CCR3: variants seen among roughly 807,000 people sequenced by gnomAD.
The protein encoded by CCR3 is C-C chemokine receptor type 3.
For synonymous variants in CCR3, 203 were observed against 179.2 expected, an observed-to-expected ratio of 1.13 and a Z score of -1.06; for missense variants, 419 against 437.5, an observed-to-expected ratio of 0.96 and a Z score of 0.38.
At position 46,248,560 on chromosome 3, in the gene CCR3, C is replaced by T. The variant is rs1403336359; in HGVS notation, c.-12+6022C>T. Reference sequence around the variant, plus strand: ...AGGGATTGAGGTTTGGGAGATTAATCGGACAGGATCAGCAGGGAGAGCACG... The same window carrying T: ...AGGGATTGAGGTTTGGGAGATTAATTGGACAGGATCAGCAGGGAGAGCACG... On this transcript the variant is annotated intron_variant, in intron 1 of 1. Coordinates refer to ENST00000395940, the MANE Select transcript of CCR3 (RefSeq NM_178329.3). 3.9e-5 allele frequency among the ~76,000 whole-genome samples: 6 copies of T among 152,150 alleles called. 1 individual carries two copies. In the South Asian group the frequency reaches 1.0e-3, roughly 26 times the overall value.
intron 2 of CCR3, among the ~76,000 whole-genome samples, chr3:46,231,661 AC>A (rs2125925224): frequency 6.6e-6 from 1 of 152,240 alleles, no homozygotes; most frequent in African/African-American, 2.4e-5. Context: ...ACAGGAGGAA[AC>A]TTTTGAAGTG....
At chr3:46,233,291 C>T (rs147879187) in intron 2 of CCR3, among the ~76,000 whole-genome samples, 36 of 152,302 alleles carry the variant, frequency 2.4e-4, no homozygotes, top group Non-Finnish European at 4.4e-4. Context: ...ACAAGTCTGG[C>T]TGGAGCCCCA....
At chr3:46,257,023 A>G (rs1376946143) in intron 1 of CCR3, among the ~76,000 whole-genome samples, 2 of 60,974 alleles carry the variant, frequency 3.3e-5, no homozygotes, top group South Asian at 2.6e-3. Flanking sequence ...CAAATTTGCA[A>G]AAAAAAATTG....
At chr3:46,225,479 A>G (rs1559526014) in intron 2 of CCR3, among the ~76,000 whole-genome samples, 1 of 152,226 alleles carries the variant, frequency 6.6e-6, no homozygotes, top group Non-Finnish European at 1.5e-5. Context: ...TTAGTTTTGT[A>G]AGAAAGTGCC....
chr3:46,264,446 G>A (rs1700580902), intron 1 of CCR3: 1 of 1,523,990 alleles, frequency 6.6e-7, no homozygotes, highest in Non-Finnish European at 8.8e-7. Context: ...ACACAAGCCA[G>A]GTTCCTCAAG....
chr3:46,223,332 T>C (rs1273079088), intron 2 of CCR3, among the ~76,000 whole-genome samples: 2 of 151,790 alleles, frequency 1.3e-5, no homozygotes, highest in African/African-American at 4.8e-5. Context: ...AGAGCAAGAC[T>C]CTGTCTTGAA....
upstream of CCR3, among the ~76,000 whole-genome samples, chr3:46,237,623 G>C (rs1700038059): frequency 6.6e-6 from 1 of 152,070 alleles, no homozygotes; most frequent in Admixed American, 6.6e-5. Context: ...GAAAGATAGG[G>C]GTCCAGTTTC....
In CCR3 at chr3:46,265,625, T is replaced by A; in HGVS notation, c.467T>A (p.Val156Asp). 1 of 1,614,190 alleles carries A rather than the reference T, an allele frequency of 6.2e-7. No individual in the cohort carries two copies. Among genetic ancestry groups the A allele is most frequent in the Non-Finnish European group, 8.5e-7 (1 of 1,180,016 alleles). ...ACTTTTGGTGTCATCACCAGCATCGTCACCTGGGGCCTGGCAGTGCTAGCA... is the reference window on the plus strand; with the variant it reads ...ACTTTTGGTGTCATCACCAGCATCGACACCTGGGGCCTGGCAGTGCTAGCA... ...TVTFGVITSI[V>D]TWGLAVLAAL... The change falls in exon 2 of 2, where the codon GTC (valine) becomes GAC (aspartate). Residue 156 changes from valine (V) to aspartate (D), a missense_variant. Val to Asp is a radical substitution (Grantham distance 152). Coordinates refer to ENST00000395940, the MANE Select transcript of CCR3 (RefSeq NM_178329.3).
chr3:46,258,809 G>A (rs1269509875), intron 1 of CCR3, among the ~76,000 whole-genome samples: 3 of 152,072 alleles, frequency 2.0e-5, no homozygotes, highest in Non-Finnish European at 4.4e-5. Context: ...TGACTAATAG[G>A]AGGATAATAC....
chr3:46,253,434 T>C (rs1700357299), intron 1 of CCR3, among the ~76,000 whole-genome samples: 1 of 152,184 alleles, frequency 6.6e-6, no homozygotes, highest in South Asian at 2.1e-4. Flanking sequence ...TTCTCCAGGA[T>C]GGATACGCTT....
chr3:46,253,021 C>G (rs1306699169), intron 1 of CCR3, among the ~76,000 whole-genome samples: 1 of 152,108 alleles, frequency 6.6e-6, no homozygotes, highest in Non-Finnish European at 1.5e-5. Context: ...CATTAAGAAC[C>G]ACTGAGAGCC....
rs115093437 is a variant in CCR3 at position 46,229,095 on chromosome 3, G to A, written c.-67-13307G>A. Among the ~76,000 whole-genome samples the A allele has an allele frequency of 9.3e-3, 1,409 of 152,256 alleles. 19 individuals are homozygous for A. The highest frequency in any genetic ancestry group is 0.032 in the African/African-American group (1,340 of 41,546). On this transcript the variant is annotated intron_variant, in intron 2 of 3. Coordinates refer to the CCR3 transcript ENST00000357422. ...TATTTCCAGTCTCTCTTGCATGTGC[G>A]TGTGGTCATATCACTGAGTTGCAGC...
chr3:46,225,025 C>A (rs1037374386), intron 2 of CCR3, among the ~76,000 whole-genome samples: 1 of 152,162 alleles, frequency 6.6e-6, no homozygotes, highest in African/African-American at 2.4e-5. Flanking sequence ...TAGTCTCAAA[C>A]TGATAGTCCA....
At chr3:46,262,057 C>T (rs1700535941) in intron 1 of CCR3, among the ~76,000 whole-genome samples, 1 of 152,248 alleles carries the variant, frequency 6.6e-6, no homozygotes, top group African/African-American at 2.4e-5. Context: ...CCCCTTCCCA[C>T]TCTGCCCCAT....
intron 2 of CCR3, among the ~76,000 whole-genome samples, chr3:46,228,948 A>G (rs1003250161): frequency 1.3e-5 from 2 of 152,266 alleles, no homozygotes. Context: ...CTATTATCAA[A>G]AATGATAATG....
intron 2 of CCR3, among the ~76,000 whole-genome samples, chr3:46,234,131 T>G (rs1699997868): frequency 6.6e-6 from 1 of 152,208 alleles, no homozygotes; most frequent in African/African-American, 2.4e-5. Context: ...ATGTTAACAC[T>G]TGTCATTTGA....
upstream of CCR3, among the ~76,000 whole-genome samples, chr3:46,241,197 C>T (rs1170176848): frequency 2.6e-5 from 4 of 151,320 alleles, no homozygotes; most frequent in Admixed American, 2.0e-4. Flanking sequence ...CTCTTATCCT[C>T]CTTCCTCTTT....
At chr3:46,248,896 G>A (rs963730064) in intron 1 of CCR3, among the ~76,000 whole-genome samples, 1 of 152,208 alleles carries the variant, frequency 6.6e-6, no homozygotes, top group Non-Finnish European at 1.5e-5. Flanking sequence ...TGGTTGATAA[G>A]GTGCAGATTC....
upstream of CCR3, among the ~76,000 whole-genome samples, chr3:46,240,696 G>A (rs973422765): frequency 2.6e-5 from 4 of 152,110 alleles, no homozygotes; most frequent in South Asian, 6.2e-4. Flanking sequence ...TTTTCATGAC[G>A]CTGTCCACAT....
Sources: allele counts gnomAD v4.1 joint callset (sites outside exome capture counted in the v4.1 genomes callset), GRCh38; gene constraint gnomAD v4.1.1; transcripts MANE v1.5; gene names NCBI Gene and HGNC (gene_info 2026-07-23, HGNC 2026-07-21).